RPL7L1: variants seen among roughly 807,000 people sequenced by gnomAD.
RPL7L1 encodes the protein ribosomal protein L7 like 1.
A neutral mutation model predicts 30.3 loss-of-function variants in RPL7L1; 20 were observed. The ratio of observed to expected loss-of-function variants is 0.66; its 90% confidence interval spans 0.46 to 0.96. RPL7L1 has a LOEUF of 0.96. RPL7L1 is among the 40% of genes least tolerant of loss of function. The pLI, the probability that RPL7L1 is intolerant of heterozygous loss-of-function variation, is 0.00. For synonymous variants in RPL7L1, 107 were observed against 110.1 expected (o/e 0.97, Z 0.18); for missense variants, 271 against 314.9 (o/e 0.86, Z 1.05).
chr6:42,881,127 C>G (rs1482769800), intron 2 of RPL7L1, 161 bp downstream of exon 2: 1 of 568,566 alleles, frequency 1.8e-6, no homozygotes, highest in South Asian at 1.9e-5. Context: ...TTCCAGGACT[C>G]CCACAGATGC....
At chr6:42,885,050 C>T (rs1338390007) in intron 4 of RPL7L1, among the ~76,000 whole-genome samples, 2 of 152,190 alleles carry the variant, frequency 1.3e-5, no homozygotes, top group Non-Finnish European at 2.9e-5. Context: ...GTATTCCTGG[C>T]CGGACACACT....
In RPL7L1 at chr6:42,885,982, A is replaced by C. The variant is rs749535685; in HGVS notation, c.458A>C (p.Asn153Thr). 3.5e-5 allele frequency: 55 copies of C among 1,593,916 alleles called. No homozygotes were observed. Among genetic ancestry groups the C allele is most frequent in the Non-Finnish European group, 4.6e-5 (54 of 1,163,384 alleles). ...VEPYVTWGFPNLKSVRELILK... is the reference protein window; with the variant it reads ...VEPYVTWGFPTLKSVRELILK... Reference sequence around the variant, plus strand: ...TTTATTTTCCTACATAGATTTCCAAATCTGAAGTCTGTCCGAGAACTCATT... The same window carrying C: ...TTTATTTTCCTACATAGATTTCCAACTCTGAAGTCTGTCCGAGAACTCATT... The change falls in exon 5 of 6, where the codon AAT becomes ACT. Residue 153 changes from asparagine to threonine, a missense_variant. Physicochemically the swap from Asn to Thr is moderately conservative, Grantham distance 65. Transcript: ENST00000493763.
chr6:42,884,621 G>C lies in RPL7L1; in HGVS notation c.320G>C (p.Gly107Ala). ...GTTGCTGTTCATTTCAGGATTGACG[G>C]CGTGAGTTTACTGGTGCAGAGAACC... Reference protein sequence around the residue: ...AFVVRIERIDGVSLLVQRTIA... With the variant: ...AFVVRIERIDAVSLLVQRTIA... Residue 107 changes from glycine (G) to alanine (A), a missense_variant, in exon 4 of 6, where the codon GGC becomes GCC. Coordinates refer to ENST00000493763, the MANE Select transcript of RPL7L1 (RefSeq NM_001366481.3). The C allele has an allele frequency of 6.2e-7, 1 of 1,612,462 alleles. No homozygotes were observed. Among genetic ancestry groups the C allele is most frequent in the Non-Finnish European group, 8.5e-7 (1 of 1,179,686 alleles).
chr6:42,887,007 A>AAC lies in RPL7L1; in HGVS notation c.*544_*545insCA, dbSNP rs983102633. Reference sequence around the variant, plus strand: ...GACTCCATCTCGGAAAAAAAAAAAAAAAAACTATTGCTGCAGTCATTCAGA... The same window carrying AAC: ...GACTCCATCTCGGAAAAAAAAAAAAAACAAAACTATTGCTGCAGTCATTCAGA... On this transcript the variant is annotated 3_prime_UTR_variant, in exon 6 of 6. Transcript: ENST00000493763. 1.3e-5 allele frequency: 2 copies of AAC among 148,904 alleles called. No individual in the cohort carries two copies. Among genetic ancestry groups the AAC allele is most frequent in the African/African-American group, 5.2e-5 (2 of 38,218 alleles). 9.2% of individuals were successfully genotyped at this position (148,904 alleles called of 1,614,324 possible).
chr6:42,884,589 G>C, intron 3 of RPL7L1, 24 bp from the exon 4 acceptor site: 1 of 1,608,576 alleles, frequency 6.2e-7, no homozygotes, highest in South Asian at 1.1e-5. Context: ...GAGTCTGTCT[G>C]ACTTCTGTTG....
rs11751845 is a variant in RPL7L1 at position 42,879,900 on chromosome 6, T to G, written c.-11T>G. On this transcript the variant is annotated 5_prime_UTR_variant, in exon 1 of 6. Coordinates refer to ENST00000493763, the MANE Select transcript of RPL7L1 (RefSeq NM_001366481.3). Reference sequence around the variant, plus strand: ...AGCGTGTGCTGTCTTCCCCATGTGGTGGGGTTGCGCATGATCAGTAGCTGC... The same window carrying G: ...AGCGTGTGCTGTCTTCCCCATGTGGGGGGGTTGCGCATGATCAGTAGCTGC... 45 of 1,613,624 alleles carry G rather than the reference T, an allele frequency of 2.8e-5. No homozygotes were observed. The highest frequency in any genetic ancestry group is 3.4e-6 in the Non-Finnish European group (4 of 1,179,850).
intron 1 of RPL7L1, among the ~76,000 whole-genome samples, 172 bp downstream of exon 1, chr6:42,880,123 C>G (rs1336992695): frequency 1.3e-5 from 2 of 151,982 alleles, no homozygotes; most frequent in Non-Finnish European, 2.9e-5. Flanking sequence ...GGGAGGGGAC[C>G]GCGGTCAAGT....
intron 2 of RPL7L1, 28 bp from the exon 3 acceptor site, chr6:42,883,420 AGAT>A (rs1178196143): frequency 5.3e-6 from 8 of 1,521,072 alleles, no homozygotes; most frequent in South Asian, 1.3e-5. Context: ...TGGAGGCACA[AGAT>A]GATGATGATG....
Position 42,887,004 on chromosome 6 carries a change from A to AC in RPL7L1, c.*540_*541insC, listed in dbSNP as rs1766295171. 3 of 148,438 alleles carry AC rather than the reference A, an allele frequency of 2.0e-5. No homozygotes were observed. Among genetic ancestry groups the AC allele is most frequent in the African/African-American group, 7.9e-5 (3 of 37,754 alleles). 9.2% of individuals were successfully genotyped at this position (148,438 alleles called of 1,614,324 possible). ...CGAGACTCCATCTCGGAAAAAAAAA[A>AC]AAAAAAACTATTGCTGCAGTCATTC... On this transcript the variant is annotated 3_prime_UTR_variant, in exon 6 of 6. Transcript: ENST00000493763.
At position 42,883,585 on chromosome 6, in the gene RPL7L1, T is replaced by G. The variant is rs1395489243; in HGVS notation, c.282T>G (p.His94Gln). 2.5e-6 allele frequency: 4 copies of G among 1,599,064 alleles called. No homozygotes were observed. The highest frequency in any genetic ancestry group is 3.6e-5 in the Admixed American group (2 of 56,210). Residue 94 changes from histidine (H) to glutamine (Q), a missense_variant, in exon 3 of 6, where the codon CAT (histidine) becomes CAG (glutamine). Coordinates refer to ENST00000493763, the MANE Select transcript of RPL7L1 (RefSeq NM_001366481.3). ...KPHALELPDK[H>Q]SLAFVVRIER... ...ATGCCTTGGAATTGCCAGATAAACA[T>G]TCCTTGGCCTTTGTTGTACGCATCG... is the stretch of plus-strand genomic sequence containing the variant.
Position 42,887,672 on chromosome 6 carries a change from T to C in RPL7L1, c.*1208T>C, listed in dbSNP as rs1766323935. On this transcript the variant is annotated 3_prime_UTR_variant, in exon 6 of 6. Coordinates refer to ENST00000493763, the MANE Select transcript of RPL7L1 (RefSeq NM_001366481.3). ...GGAAAAATTCCAGTGTTTTCTGCAT[T>C]GGGTGCTGTGTCATCTGAAATCGGC... is the stretch of plus-strand genomic sequence containing the variant. 1 of 152,210 alleles carries C rather than the reference T, an allele frequency of 6.6e-6. No homozygotes were observed. Among genetic ancestry groups the C allele is most frequent in the South Asian group, 2.1e-4 (1 of 4,826 alleles). The allele number at this position is 152,210 out of a possible 1,614,324, so 9.4% of individuals were successfully genotyped here. A position where few individuals can be genotyped will look rare whatever the true frequency, so the allele number is the denominator to read the frequency against.
intron 1 of RPL7L1, among the ~76,000 whole-genome samples, chr6:42,880,357 G>A (rs1157144731): frequency 2.6e-5 from 4 of 152,144 alleles, no homozygotes; most frequent in Non-Finnish European, 4.4e-5. Flanking sequence ...GAGGCTTTGG[G>A]GATGAGTGAC....
At chr6:42,885,102 G>A (rs1766212781) in intron 4 of RPL7L1, among the ~76,000 whole-genome samples, 1 of 152,168 alleles carries the variant, frequency 6.6e-6, no homozygotes, top group African/African-American at 2.4e-5. Flanking sequence ...GGCCGAGGCG[G>A]GTGGATCACA....
At chr6:42,885,772 T>C (rs995780308) in intron 4 of RPL7L1, 7 of 496,226 alleles carry the variant, frequency 1.4e-5, no homozygotes, top group African/African-American at 1.1e-4. Context: ...TAAATTTAAA[T>C]TTCTAATTAT....
chr6:42,880,747 A>G, intron 1 of RPL7L1, 114 bp from the exon 2 acceptor site: 1 of 576,204 alleles, frequency 1.7e-6, no homozygotes, highest in Non-Finnish European at 3.1e-6. Context: ...TCCTGACCTC[A>G]GGTAATCCAC....
At chr6:42,885,516 G>T (rs1161292210) in intron 4 of RPL7L1, 1 of 156,056 alleles carries the variant, frequency 6.4e-6, no homozygotes, top group Non-Finnish European at 1.4e-5. Flanking sequence ...AGCTTGCAGT[G>T]AGTCGAGATC....
In RPL7L1 at chr6:42,887,624, C is replaced by G. The variant is rs2114090186; in HGVS notation, c.*1160C>G. ...AGTAGCATATGTTCATGTCAAGCAC[C>G]TCTCATCACAGTCGAGTTCCAAGGA... On this transcript the variant is annotated 3_prime_UTR_variant, in exon 6 of 6. Transcript: ENST00000493763. 6.6e-6 allele frequency: 1 copy of G among 152,372 alleles called. No individual in the cohort carries two copies. 9.4% of individuals were successfully genotyped at this position (152,372 alleles called of 1,614,324 possible). A position where few individuals can be genotyped will look rare whatever the true frequency, so the allele number is the denominator to read the frequency against.
chr6:42,884,798 G>A, intron 4 of RPL7L1, 48 bp downstream of exon 4: 2 of 1,570,378 alleles, frequency 1.3e-6, no homozygotes, highest in Non-Finnish European at 1.7e-6. Context: ...CTATTTGAGT[G>A]TGTCAGGGTG....
At position 42,888,304 on chromosome 6, in the gene RPL7L1, A is replaced by G. The variant is rs1766354947; in HGVS notation, c.*1840A>G. ...TCAGCTGGGATTACATGCATGTACC[A>G]CCACACCCAGCTAATTCTTGTATTT... is the stretch of plus-strand genomic sequence containing the variant. On this transcript the variant is annotated 3_prime_UTR_variant, in exon 6 of 6. Transcript: ENST00000493763. 2 of 152,186 alleles carry G rather than the reference A, an allele frequency of 1.3e-5. No homozygotes were observed. The highest frequency in any genetic ancestry group is 2.4e-5 in the African/African-American group (1 of 41,426). 9.4% of individuals were successfully genotyped at this position (152,186 alleles called of 1,614,324 possible).
Sources: allele counts gnomAD v4.1 joint callset (sites outside exome capture counted in the v4.1 genomes callset), GRCh38; gene constraint gnomAD v4.1.1; transcripts MANE v1.5; gene names NCBI Gene and HGNC (gene_info 2026-07-23, HGNC 2026-07-21).